CEP55: variants seen among roughly 807,000 people sequenced by gnomAD.
The protein encoded by CEP55 is centrosomal protein of 55 kDa.
A neutral mutation model predicts 63.2 loss-of-function variants in CEP55; 57 were observed. That is an observed-to-expected ratio of 0.90 (90% CI 0.73 to 1.13). CEP55 has a LOEUF of 1.13. CEP55 is among the 50% of genes most tolerant of loss of function. CEP55 has a pLI of 0.00. For missense variants in CEP55, 456 were observed against 518.9 expected (o/e 0.88, Z 1.18); for synonymous variants, 178 against 191.6 (o/e 0.93, Z 0.59).
At chr10:93,518,641 G>A (rs2057827212) in intron 6 of CEP55, among the ~76,000 whole-genome samples, 1 of 152,232 alleles carries the variant, frequency 6.6e-6, no homozygotes, top group Non-Finnish European at 1.5e-5. Context: ...AGAGTTCAGT[G>A]CTGTTTATCA....
At chr10:93,521,318 G>T (rs1329211461) in intron 8 of CEP55, among the ~76,000 whole-genome samples, 1 of 152,184 alleles carries the variant, frequency 6.6e-6, no homozygotes, top group Non-Finnish European at 1.5e-5. Context: ...TGGCTTGGAG[G>T]GTCCTACACC....
At chr10:93,501,609 G>A (rs1360395966) in intron 2 of CEP55, among the ~76,000 whole-genome samples, 1 of 151,994 alleles carries the variant, frequency 6.6e-6, no homozygotes, top group Non-Finnish European at 1.5e-5. Context: ...ACAGGTTGCA[G>A]TGAGCCAAGA....
chr10:93,515,465 G>A lies in CEP55; in HGVS notation c.589G>A (p.Gly197Arg). 1 of 1,613,650 alleles carries A rather than the reference G, an allele frequency of 6.2e-7. No individual in the cohort carries two copies. Among genetic ancestry groups the A allele is most frequent in the South Asian group, 1.1e-5 (1 of 91,066 alleles). The change falls in exon 5 of 9, where the codon GGA (glycine) becomes AGA (arginine). Residue 197 changes from glycine to arginine, a missense_variant. Coordinates refer to ENST00000371485, the MANE Select transcript of CEP55 (RefSeq NM_018131.5). ...TCAGCAGCGGGAAGTCTATGTAAAAGGACTTTTAGCAAAGATCTTTGAGTT... is the reference window on the plus strand; with the variant it reads ...TCAGCAGCGGGAAGTCTATGTAAAAAGACTTTTAGCAAAGATCTTTGAGTT... Reference protein sequence around the residue: ...YDQQREVYVKGLLAKIFELEK... With the variant: ...YDQQREVYVKRLLAKIFELEK...
intron 3 of CEP55, among the ~76,000 whole-genome samples, chr10:93,504,541 C>T (rs899323154): frequency 6.6e-6 from 1 of 151,604 alleles, no homozygotes; most frequent in Non-Finnish European, 1.5e-5. Context: ...TGTTAAGGAT[C>T]TTTCTCTGTA....
At chr10:93,515,622 A>T (rs2057796578) in intron 5 of CEP55, 67 bp downstream of exon 5, 19 of 1,443,612 alleles carry the variant, frequency 1.3e-5, no homozygotes, top group Admixed American at 6.5e-5. Context: ...ATGATTCATC[A>T]AATTTAGATT....
chr10:93,505,540 G>A (rs1174983883), intron 3 of CEP55, among the ~76,000 whole-genome samples: 1 of 152,210 alleles, frequency 6.6e-6, no homozygotes, highest in Non-Finnish European at 1.5e-5. Flanking sequence ...TAAAAGGAAA[G>A]GGATTTAGAG....
At chr10:93,515,610 G>C in intron 5 of CEP55, 55 bp downstream of exon 5, 1 of 1,459,760 alleles carries the variant, frequency 6.9e-7, no homozygotes, top group Non-Finnish European at 9.2e-7. Flanking sequence ...TTTCCAAAAG[G>C]AATGATTCAT....
chr10:93,512,514 CAAAAAAA>C (rs10707952), intron 4 of CEP55, among the ~76,000 whole-genome samples: 1 of 91,934 alleles, frequency 1.1e-5, no homozygotes, highest in African/African-American at 4.0e-5. Flanking sequence ...AACTCCGTCT[CAAAAAAA>C]AAAAAAAAAA....
Position 93,516,974 on chromosome 10 carries a change from T to G in CEP55, c.719T>G (p.Leu240Arg). 2 of 1,598,248 alleles carry G rather than the reference T, an allele frequency of 1.3e-6. No homozygotes were observed. ...GAGAAGCAGAAATGTTACAACGATC[T>G]CTTGGCAAGTGCAAAAAAAGATCTT... ...QEEKQKCYNDLLASAKKDLEV... is the reference protein window; with the variant it reads ...QEEKQKCYNDRLASAKKDLEV... The change falls in exon 6 of 9, where the codon CTC (leucine) becomes CGC (arginine). Residue 240 changes from leucine to arginine, a missense_variant. By Grantham distance (102) the Leu-to-Arg change is moderately radical. Coordinates refer to ENST00000371485, the MANE Select transcript of CEP55 (RefSeq NM_018131.5).
chr10:93,507,374 C>T (rs2057700054), intron 4 of CEP55, among the ~76,000 whole-genome samples: 3 of 151,914 alleles, frequency 2.0e-5, no homozygotes, highest in Admixed American at 6.6e-5. Context: ...GCACGAGCCA[C>T]CACACTCCGC....
At chr10:93,497,654 A>C (rs1042457694) in intron 1 of CEP55, among the ~76,000 whole-genome samples, 2 of 152,044 alleles carry the variant, frequency 1.3e-5, no homozygotes, top group South Asian at 4.2e-4. Context: ...TCCTTGAAAA[A>C]ATAGTTGAAC....
Position 93,512,936 on chromosome 10 carries a change from C to T in CEP55, c.529-2469C>T, listed in dbSNP as rs552143985. Among the ~76,000 whole-genome samples, 24 of 152,144 alleles carry T rather than the reference C, an allele frequency of 1.6e-4. No homozygotes were observed. The South Asian group carries it at 2.5e-3, about 16-fold the overall frequency. On this transcript the variant is annotated intron_variant, in intron 4 of 8. Transcript: ENST00000371485. The stretch of plus-strand genomic sequence containing the variant: ...TGATTATTTTTCCCAATTTTTATTA[C>T]GAAAAATGTCAAACATACACAAAAG...
chr10:93,504,889 A>C, intron 3 of CEP55, among the ~76,000 whole-genome samples: 1 of 152,178 alleles, frequency 6.6e-6, no homozygotes, highest in East Asian at 1.9e-4. Context: ...ATCTCAGCTC[A>C]CTGCAACCTC....
intron 8 of CEP55, among the ~76,000 whole-genome samples, chr10:93,523,312 T>G (rs1240384411): frequency 6.6e-6 from 1 of 152,100 alleles, no homozygotes; most frequent in Non-Finnish European, 1.5e-5. Context: ...AAACAGACTT[T>G]AAACCAACAA....
In CEP55 at chr10:93,526,151, T is replaced by A. The variant is rs544384087; in HGVS notation, c.1192-1799T>A. ...AAACTACCATCAGAGTGAACAGGCA[T>A]CCTACAGAATGGGAGAAAATTTTTG... On this transcript the variant is annotated intron_variant, in intron 8 of 8. Coordinates refer to ENST00000371485, the MANE Select transcript of CEP55 (RefSeq NM_018131.5). Among the ~76,000 whole-genome samples, 910 of 152,100 alleles carry A rather than the reference T, an allele frequency of 6.0e-3. 3 individuals carry two copies. Among genetic ancestry groups the A allele is most frequent in the Middle Eastern group, 0.017 (5 of 294 alleles).
chr10:93,520,008 A>T (rs1361473222), intron 8 of CEP55: 3 of 616,012 alleles, frequency 4.9e-6, no homozygotes, highest in Non-Finnish European at 8.6e-6. Flanking sequence ...CACATCTGGA[A>T]ACATTCCCCC....
chr10:93,527,578 T>C (rs1320056711), intron 8 of CEP55, among the ~76,000 whole-genome samples: 1 of 152,148 alleles, frequency 6.6e-6, no homozygotes, highest in African/African-American at 2.4e-5. Context: ...TTAAAATTGC[T>C]GAACAGGCTG....
intron 6 of CEP55, 48 bp from the exon 7 acceptor site, chr10:93,518,829 C>A: frequency 7.3e-7 from 1 of 1,369,866 alleles, no homozygotes; most frequent in Non-Finnish European, 1.0e-6. Context: ...CCAGGTCAAG[C>A]CGGAAAAGGT....
intron 4 of CEP55, among the ~76,000 whole-genome samples, chr10:93,514,179 C>A (rs1456833092): frequency 2.0e-5 from 3 of 152,060 alleles, no homozygotes; most frequent in Non-Finnish European, 4.4e-5. Context: ...GTAATCCGCC[C>A]GCCTCGGCCT....
Sources: gnomAD v4.1 joint callset for allele counts (sites outside exome capture counted in the v4.1 genomes callset) on GRCh38, gnomAD v4.1.1 for gene constraint, MANE v1.5 for transcripts, NCBI Gene and HGNC (gene_info 2026-07-23, HGNC 2026-07-21) for gene names.